Variants in GATAD2B observed in about 807,000 individuals in gnomAD.
The protein encoded by GATAD2B is transcriptional repressor p66-beta.
Under a neutral mutation model 64.3 loss-of-function variants are expected in GATAD2B, and 8 were observed. The observed-to-expected ratio is 0.12, with a 90% confidence interval of 0.07 to 0.22. GATAD2B has a LOEUF of 0.22. Ranked by LOEUF, GATAD2B falls within the 10% of genes least tolerant of loss-of-function variation. The pLI is 1.00. For synonymous variants in GATAD2B, 281 were observed against 271.3 expected, an observed-to-expected ratio of 1.04 and a Z score of -0.35; for missense variants, 453 against 752.0, an observed-to-expected ratio of 0.60 and a Z score of 4.65.
chr1:153,869,056 G>A (rs1676574218), intron 1 of GATAD2B, among the ~76,000 whole-genome samples: 1 of 152,132 alleles, frequency 6.6e-6, no homozygotes, highest in South Asian at 2.1e-4. Flanking sequence ...ACTTTGGGAG[G>A]TCAAGGCAGG....
At chr1:153,902,289 AG>A (rs1476262352) in intron 1 of GATAD2B, among the ~76,000 whole-genome samples, 1 of 152,200 alleles carries the variant, frequency 6.6e-6, no homozygotes, top group Non-Finnish European at 1.5e-5. Flanking sequence ...CTCAAAAAAA[AG>A]AAAAAAAGAA....
At chr1:153,876,253 A>AAAAAAAAG (rs1317961332) in intron 1 of GATAD2B, among the ~76,000 whole-genome samples, 1 of 146,604 alleles carries the variant, frequency 6.8e-6, no homozygotes, top group Non-Finnish European at 1.5e-5. Context: ...AAAAAAAAAA[A>AAAAAAAAG]AAAAAAAGAT....
chr1:153,912,845 C>T (rs1463657370), intron 1 of GATAD2B, among the ~76,000 whole-genome samples: 1 of 152,108 alleles, frequency 6.6e-6, no homozygotes, highest in Non-Finnish European at 1.5e-5. Context: ...CTAATCCCAG[C>T]ACTTTGGGAG....
At chr1:153,904,059 T>C (rs1161367825) in intron 1 of GATAD2B, among the ~76,000 whole-genome samples, 1 of 151,970 alleles carries the variant, frequency 6.6e-6, no homozygotes, top group Non-Finnish European at 1.5e-5. Context: ...GGCGGGTGGA[T>C]CACGAGGTCA....
chr1:153,879,113 G>C (rs1356610931), intron 1 of GATAD2B, among the ~76,000 whole-genome samples: 1 of 151,980 alleles, frequency 6.6e-6, no homozygotes, highest in Non-Finnish European at 1.5e-5. Context: ...CTAATTTTTT[G>C]TATTTTCAGT....
chr1:153,900,290 G>A (rs529169251), intron 1 of GATAD2B, among the ~76,000 whole-genome samples: 16 of 151,836 alleles, frequency 1.1e-4, no homozygotes, highest in African/African-American at 3.6e-4. Context: ...GTGGTGGCAC[G>A]CACCTGTAAT....
chr1:153,837,707 C>A (rs531772349), intron 1 of GATAD2B, among the ~76,000 whole-genome samples: 1 of 152,136 alleles, frequency 6.6e-6, no homozygotes, highest in Admixed American at 6.5e-5. Flanking sequence ...GATGGTTGCA[C>A]AACTTTGTAA....
chr1:153,879,435 A>G (rs905184222), intron 1 of GATAD2B, among the ~76,000 whole-genome samples: 3 of 152,158 alleles, frequency 2.0e-5, no homozygotes, highest in Non-Finnish European at 4.4e-5. Flanking sequence ...TGCTTCATAA[A>G]TATCACACCT....
intron 1 of GATAD2B, among the ~76,000 whole-genome samples, chr1:153,918,637 G>C (rs1288370024): frequency 6.6e-6 from 1 of 152,168 alleles, no homozygotes; most frequent in East Asian, 1.9e-4. Flanking sequence ...TTAGGTAACA[G>C]TAACCTGAAT....
intron 7 of GATAD2B, 140 bp from the exon 8 acceptor site, chr1:153,813,592 A>G (rs1674363201): frequency 3.1e-6 from 2 of 643,914 alleles, no homozygotes; most frequent in African/African-American, 1.8e-5. Flanking sequence ...ATAATTTACA[A>G]AATACTTTTA....
chr1:153,867,665 C>G (rs1305768277), intron 1 of GATAD2B, among the ~76,000 whole-genome samples: 2 of 146,002 alleles, frequency 1.4e-5, no homozygotes, highest in African/African-American at 2.5e-5. Context: ...TTCAAGACCA[C>G]CATGGCCAAC....
chr1:153,863,247 G>A (rs1316448645), intron 1 of GATAD2B, among the ~76,000 whole-genome samples: 1 of 152,124 alleles, frequency 6.6e-6, no homozygotes, highest in East Asian at 1.9e-4. Context: ...TTGGGGGGCC[G>A]AGGCGGGTGG....
chr1:153,909,744 C>A (rs899557713), intron 1 of GATAD2B, among the ~76,000 whole-genome samples: 2 of 150,334 alleles, frequency 1.3e-5, no homozygotes, highest in African/African-American at 4.9e-5. Context: ...TCGAGACCAG[C>A]CTGGCCAACA....
chr1:153,886,600 T>A (rs1677192739), intron 1 of GATAD2B: 1 of 148,996 alleles, frequency 6.7e-6, no homozygotes, highest in African/African-American at 2.5e-5. Context: ...CTATCTCAGC[T>A]TAGTGCAAGC....
intron 1 of GATAD2B, among the ~76,000 whole-genome samples, chr1:153,921,574 C>A (rs1023894353): frequency 6.6e-6 from 1 of 151,946 alleles, no homozygotes; most frequent in African/African-American, 2.4e-5. Context: ...TAAGTATCCC[C>A]CCATCTCTCT....
chr1:153,870,163 C>G (rs1396730656), intron 1 of GATAD2B, among the ~76,000 whole-genome samples: 6 of 152,112 alleles, frequency 3.9e-5, no homozygotes. Flanking sequence ...GTTGGCCAGG[C>G]TGGTCTCGAA....
intron 1 of GATAD2B, among the ~76,000 whole-genome samples, chr1:153,916,056 G>A (rs1678255573): frequency 6.6e-6 from 1 of 152,160 alleles, no homozygotes; most frequent in Non-Finnish European, 1.5e-5. Context: ...CAGGTGGGCG[G>A]ATCACTTGAG....
Position 153,811,822 on chromosome 1 carries a change from C to T in GATAD2B, c.1557G>A (p.Gln519=). 1 of 1,611,980 alleles carries T rather than the reference C, an allele frequency of 6.2e-7. No individual in the cohort carries two copies. The change falls in exon 10 of 11, where the codon CAG becomes CAA. Residue 519 remains glutamine (Q), a synonymous_variant. Coordinates refer to ENST00000368655, the MANE Select transcript of GATAD2B (RefSeq NM_020699.4). Reference sequence around the variant, plus strand: ...AGCGGGCAGATGTGGGTATGCCACGCTGGAGGCTGCTCTGGGGCTGTGGAG... The same window carrying T: ...AGCGGGCAGATGTGGGTATGCCACGTTGGAGGCTGCTCTGGGGCTGTGGAG... ...RQAPQPQSSL[Q]RGIPTSARSM...
intron 1 of GATAD2B, among the ~76,000 whole-genome samples, chr1:153,875,811 C>T (rs1166236727): frequency 6.6e-6 from 1 of 151,656 alleles, no homozygotes; most frequent in Non-Finnish European, 1.5e-5. Context: ...TGAGCTCTTA[C>T]TATGTGCTAG....
Sources: gnomAD v4.1 joint callset for allele counts (sites outside exome capture counted in the v4.1 genomes callset) on GRCh38, gnomAD v4.1.1 for gene constraint, MANE v1.5 for transcripts, NCBI Gene and HGNC (gene_info 2026-07-23, HGNC 2026-07-21) for gene names.